Variants in NEK3 observed in about 807,000 individuals in gnomAD.
NEK3 encodes serine/threonine-protein kinase Nek3.
In NEK3, 54 loss-of-function variants were observed where a neutral mutation model predicts 66.0. The observed-to-expected ratio is 0.82, with a 90% CI of 0.66 to 1.03. The LOEUF (loss-of-function observed/expected upper bound fraction) is 1.03. Among genes scored for constraint, NEK3 ranks in the 50% least tolerant of loss-of-function variants. NEK3 has a pLI of 0.00. For missense variants in NEK3, 593 were observed against 603.0 expected (o/e 0.98, Z 0.17); for synonymous variants, 200 against 206.2 (o/e 0.97, Z 0.26).
chr13:52,135,877 G>T lies in NEK3; in HGVS notation c.1175-14C>A, dbSNP rs7995284. 6.2e-7 allele frequency: 1 copy of T among 1,604,212 alleles called. No individual in the cohort carries two copies. The highest frequency in any genetic ancestry group is 1.7e-5 in the Admixed American group (1 of 57,158). On this transcript the variant is annotated splice_polypyrimidine_tract_variant and intron_variant, in intron 13 of 15. Transcript: ENST00000610828. ...TTACAGAACCACCTAGTTGCAAAAA[G>T]ACAAAAATTAGTGCTGAATAAAAAA...
At chr13:52,151,707 A>C (rs1436507755) in intron 5 of NEK3, among the ~76,000 whole-genome samples, 1 of 152,244 alleles carries the variant, frequency 6.6e-6, no homozygotes, top group African/African-American at 2.4e-5. Flanking sequence ...CCATCTGAGA[A>C]CACATGGACT....
Position 52,148,944 on chromosome 13 carries a change from T to C in NEK3, c.549-475A>G, listed in dbSNP as rs189748966. Among the ~76,000 whole-genome samples the C allele has an allele frequency of 3.3e-5, 5 of 152,322 alleles. No homozygotes were observed. In the East Asian group the frequency reaches 7.7e-4, roughly 23 times the overall value. The stretch of plus-strand genomic sequence containing the variant: ...TCTTGCTCTGTTGCCCAGGCTGTAG[T>C]GCAGCCTCACAATCTCGGCTCACTG... On this transcript the variant is annotated intron_variant, in intron 7 of 15. Coordinates refer to ENST00000610828, the MANE Select transcript of NEK3 (RefSeq NM_002498.3).
intron 15 of NEK3, 56 bp downstream of exon 15, chr13:52,133,615 TCACACACACACACACACA>T (rs3831081): frequency 3.4e-5 from 44 of 1,309,334 alleles, no homozygotes; most frequent in Non-Finnish European, 3.8e-5. Flanking sequence ...CTAATTTAAA[TCACACACACACACACACA>T]CACACACACA....
chr13:52,135,604 A>T, intron 14 of NEK3, 125 bp downstream of exon 14: 1 of 729,112 alleles, frequency 1.4e-6, no homozygotes, highest in Non-Finnish European at 2.1e-6. Context: ...CAACAATGTG[A>T]CGTACTTAGT....
chr13:52,137,491 G>A (rs372382756), intron 11 of NEK3, among the ~76,000 whole-genome samples: 1 of 152,142 alleles, frequency 6.6e-6, no homozygotes, highest in African/African-American at 2.4e-5. Context: ...AATATTTATT[G>A]AATGAATAAA....
chr13:52,151,992 T>C (rs1217055422), intron 5 of NEK3, among the ~76,000 whole-genome samples: 1 of 152,204 alleles, frequency 6.6e-6, no homozygotes, highest in East Asian at 1.9e-4. Flanking sequence ...TAATAGGCTA[T>C]AACATCTAGG....
At position 52,136,271 on chromosome 13, in the gene NEK3, G is replaced by A. The variant is rs538363678; in HGVS notation, c.1031-12C>T. 1.3e-5 allele frequency: 21 copies of A among 1,613,076 alleles called. No individual in the cohort carries two copies. The South Asian group carries it at 2.2e-4, about 17-fold the overall frequency. On this transcript the variant is annotated splice_polypyrimidine_tract_variant and intron_variant, in intron 12 of 15. Coordinates refer to ENST00000610828, the MANE Select transcript of NEK3 (RefSeq NM_002498.3). ...GACTGACTTATTACCTGATTTTAAA[G>A]TGTGAAAAAGGAATGCCAAGCATGT...
At chr13:52,151,488 G>A in intron 5 of NEK3, 96 bp from the exon 6 acceptor site, 4 of 1,088,956 alleles carry the variant, frequency 3.7e-6, no homozygotes, top group Non-Finnish European at 5.4e-6. Context: ...GGAGATTAAG[G>A]CTAGAAATGC....
chr13:52,146,270 G>A (rs1281442791), intron 8 of NEK3, among the ~76,000 whole-genome samples: 4 of 152,008 alleles, frequency 2.6e-5, no homozygotes, highest in Admixed American at 6.6e-5. Context: ...TTTAAAAAGT[G>A]TATTGTCCTA....
intron 5 of NEK3, 26 bp from the exon 6 acceptor site, chr13:52,151,418 T>C: frequency 6.5e-7 from 1 of 1,547,352 alleles, no homozygotes; most frequent in Non-Finnish European, 8.8e-7. Flanking sequence ...AAAGCTCAGA[T>C]TATGTCTTCT....
rs112470628 is a variant in NEK3, at chr13:52,151,207, C to T, written c.487G>A (p.Val163Met). The T allele has an allele frequency of 2.0e-5, 32 of 1,610,240 alleles. 1 individual carries two copies. The African/African-American group carries it at 2.3e-4, about 11-fold the overall frequency. Residue 163 changes from valine to methionine, a missense_variant, in exon 7 of 16, where the codon GTG becomes ATG. Coordinates refer to ENST00000610828, the MANE Select transcript of NEK3 (RefSeq NM_002498.3). ...GGAGGCACATAATAAGGAGTTCCCA[C>T]ATAGGTACAAGCAAATGCCATCGGA... ...SNPMAFACTY[V>M]GTPYYVPPEI...
rs1956166478 is a variant in NEK3, at chr13:52,133,024, C to T, written c.*118G>A. 1.2e-6 allele frequency: 1 copy of T among 803,058 alleles called. No individual in the cohort carries two copies. The highest frequency in any genetic ancestry group is 1.7e-5 in the African/African-American group (1 of 58,148). The allele number at this position is 803,058 out of a possible 1,614,324, so 49.7% of individuals were successfully genotyped here. On this transcript the variant is annotated 3_prime_UTR_variant, in exon 16 of 16. Coordinates refer to ENST00000610828, the MANE Select transcript of NEK3 (RefSeq NM_002498.3). The stretch of plus-strand genomic sequence containing the variant: ...GAACGATTTTAAGTATTAAGAGTTT[C>T]CTCTGCTTCATTCTGTTTCCAAAGG...
At chr13:52,157,039 G>A (rs912710197) in intron 1 of NEK3, 2 of 152,172 alleles carry the variant, frequency 1.3e-5, no homozygotes, top group Non-Finnish European at 2.9e-5. Context: ...TAGACAAAGA[G>A]GAGGAAAAGA....
chr13:52,145,902 T>G (rs944556458), intron 8 of NEK3, among the ~76,000 whole-genome samples: 2 of 152,304 alleles, frequency 1.3e-5, no homozygotes, highest in African/African-American at 4.8e-5. Flanking sequence ...CATTTACCTA[T>G]GTAACAAAGC....
intron 8 of NEK3, among the ~76,000 whole-genome samples, chr13:52,145,708 T>TA (rs1440017624): frequency 6.6e-6 from 1 of 152,238 alleles, no homozygotes; most frequent in African/African-American, 2.4e-5. Context: ...CACCGTGGGA[T>TA]ATACAATGAC....
intron 1 of NEK3, among the ~76,000 whole-genome samples, chr13:52,158,358 T>G (rs940352354): frequency 6.6e-6 from 1 of 152,170 alleles, no homozygotes; most frequent in African/African-American, 2.4e-5. Flanking sequence ...ACCAAATCAG[T>G]CATACACATT....
Position 52,153,998 on chromosome 13 carries a change from AC to A in NEK3, c.212-7del, listed in dbSNP as rs1271981390. 2.5e-6 allele frequency: 4 copies of A among 1,610,666 alleles called. No homozygotes were observed. The highest frequency in any genetic ancestry group is 3.4e-6 in the Non-Finnish European group (4 of 1,177,172). ...AATATACAAGTGTCCTTCAGCTAAAACAGATATAAGCTCTTTAGAAAAGCTG... is the reference window on the plus strand; with the variant it reads ...AATATACAAGTGTCCTTCAGCTAAAAAGATATAAGCTCTTTAGAAAAGCTG... On this transcript the variant is annotated splice_region_variant and splice_polypyrimidine_tract_variant and intron_variant, in intron 3 of 15. Transcript: ENST00000610828.
Position 52,136,229 on chromosome 13 carries a change from C to T in NEK3, c.1061G>A (p.Ser354Asn). The change falls in exon 13 of 16, where the codon AGT becomes AAT. Residue 354 changes from serine to asparagine, a missense_variant. By Grantham distance (46) the Ser-to-Asn change is conservative. Transcript: ENST00000610828. ...GNKSVHLRKA[S>N]SPNLHRRQWE... ...CTGTCGTCTATGAAGATTTGGTGAACTGGCTTTCCTCAGATGGACTGACTT... is the reference window on the plus strand; with the variant it reads ...CTGTCGTCTATGAAGATTTGGTGAATTGGCTTTCCTCAGATGGACTGACTT... 1 of 1,613,728 alleles carries T rather than the reference C, an allele frequency of 6.2e-7. No homozygotes were observed. Among genetic ancestry groups the T allele is most frequent in the Non-Finnish European group, 8.5e-7 (1 of 1,179,716 alleles).
chr13:52,142,029 G>C (rs183705569), intron 10 of NEK3, among the ~76,000 whole-genome samples: 2 of 152,114 alleles, frequency 1.3e-5, no homozygotes, highest in Non-Finnish European at 2.9e-5. Context: ...AGAGGTTGCA[G>C]TGAGTTGAGA....
Sources: gnomAD v4.1 joint callset for allele counts (sites outside exome capture counted in the v4.1 genomes callset) on GRCh38, gnomAD v4.1.1 for gene constraint, MANE v1.5 for transcripts, NCBI Gene and HGNC (gene_info 2026-07-23, HGNC 2026-07-21) for gene names.